ENTPD5: variants seen among roughly 807,000 people sequenced by gnomAD.
The protein encoded by ENTPD5 is ectonucleoside triphosphate diphosphohydrolase 5 (inactive), also known as nucleoside diphosphate phosphatase ENTPD5.
ENTPD5 carries 49 observed loss-of-function variants against 60.2 expected under a neutral mutation model. That is an observed-to-expected ratio of 0.81 (90% CI 0.65 to 1.03). ENTPD5 has a LOEUF of 1.03. Ranked by LOEUF, ENTPD5 falls within the 50% of genes least tolerant of loss-of-function variation. The probability of loss-of-function intolerance (pLI) is 0.00; values close to 1 mark genes in which losing one functional copy is unlikely to be tolerated. For synonymous variants in ENTPD5, 187 were observed against 185.4 expected (o/e 1.01, Z -0.07); for missense variants, 480 against 507.6 (o/e 0.95, Z 0.52).
At chr14:73,956,307 G>A (rs552439000), downstream of ENTPD5, 93 of 177,966 alleles carry the variant, frequency 5.2e-4, no homozygotes, top group Middle Eastern at 2.6e-3. Flanking sequence ...CAGCCTGGGC[G>A]ACAGAGCAAG....
chr14:73,983,261 T>C (rs1594884870), intron 5 of ENTPD5, 100 bp from the exon 6 acceptor site: 3 of 1,280,358 alleles, frequency 2.3e-6, no homozygotes, highest in Non-Finnish European at 3.2e-6. Flanking sequence ...AAGAGGGAGG[T>C]GGCATAGGGC....
intron 2 of ENTPD5, among the ~76,000 whole-genome samples, chr14:74,012,269 T>C (rs1295854239): frequency 6.8e-6 from 1 of 146,444 alleles, no homozygotes; most frequent in Non-Finnish European, 1.5e-5. Context: ...CATCCCCGGC[T>C]AATTTTTTAT....
chr14:74,006,231 T>C (rs995274562), intron 3 of ENTPD5, among the ~76,000 whole-genome samples: 11 of 151,614 alleles, frequency 7.3e-5, no homozygotes, highest in Middle Eastern at 3.4e-3. Flanking sequence ...GTGATCCACC[T>C]ACCTTGGACT....
chr14:73,994,558 C>T (rs938562235), intron 3 of ENTPD5, among the ~76,000 whole-genome samples: 2 of 151,770 alleles, frequency 1.3e-5, no homozygotes, highest in Non-Finnish European at 2.9e-5. Context: ...CATGGTGACA[C>T]CCCATCTCTA....
At chr14:73,962,245 C>T (rs1319268131), downstream of ENTPD5, among the ~76,000 whole-genome samples, 1 of 151,998 alleles carries the variant, frequency 6.6e-6, no homozygotes, top group Non-Finnish European at 1.5e-5. Context: ...TGCGGCTGGC[C>T]CACAGCTCTT....
downstream of ENTPD5, among the ~76,000 whole-genome samples, chr14:73,962,269 T>G (rs2056777942): frequency 6.6e-6 from 1 of 152,160 alleles, no homozygotes. Flanking sequence ...TTCTTTGAAT[T>G]AATTTTCTTG....
At chr14:74,012,351 C>G (rs746661538) in intron 2 of ENTPD5, among the ~76,000 whole-genome samples, 1 of 152,116 alleles carries the variant, frequency 6.6e-6, no homozygotes, top group Non-Finnish European at 1.5e-5. Context: ...AAGTGATCCA[C>G]CAGACTTCGC....
At chr14:73,961,424 AGG>A (rs747925045), downstream of ENTPD5, 1 of 1,614,158 alleles carries the variant, frequency 6.2e-7, no homozygotes, top group Admixed American at 1.7e-5. Context: ...TTGCTGCCAG[AGG>A]TCACACCTGA....
intron 2 of ENTPD5, among the ~76,000 whole-genome samples, chr14:74,012,147 C>G (rs1175518714): frequency 6.6e-6 from 1 of 152,080 alleles, no homozygotes; most frequent in Non-Finnish European, 1.5e-5. Context: ...CTCTGTCATC[C>G]AGGCTGGAGT....
chr14:73,958,293 T>C (rs778552819), downstream of ENTPD5: 4 of 1,613,894 alleles, frequency 2.5e-6, no homozygotes, highest in East Asian at 8.9e-5. Flanking sequence ...TGAAGATTCT[T>C]ATTTTGCTAG....
intron 6 of ENTPD5, among the ~76,000 whole-genome samples, chr14:73,978,104 A>T (rs2057520863): frequency 6.6e-6 from 1 of 152,156 alleles, no homozygotes; most frequent in Non-Finnish European, 1.5e-5. Flanking sequence ...TGACCTCTGG[A>T]TCCTGTTTCA....
At chr14:73,978,585 G>A (rs1032288005) in intron 6 of ENTPD5, among the ~76,000 whole-genome samples, 12 of 150,474 alleles carry the variant, frequency 8.0e-5, no homozygotes, top group African/African-American at 2.9e-4. Context: ...TGGGTAACAA[G>A]AGTGAGACTC....
chr14:73,995,817 C>A (rs1191343611), intron 3 of ENTPD5, among the ~76,000 whole-genome samples: 1 of 151,972 alleles, frequency 6.6e-6, no homozygotes, highest in Non-Finnish European at 1.5e-5. Context: ...ACATTTAAAT[C>A]TACTCCTTTC....
downstream of ENTPD5, chr14:73,960,205 T>G (rs1197160973): frequency 8.1e-6 from 8 of 988,288 alleles, no homozygotes; most frequent in Non-Finnish European, 8.4e-6. Flanking sequence ...GCATGGGGCT[T>G]AAGAGTAAGC....
downstream of ENTPD5, chr14:73,958,407 C>G (rs1487600385): frequency 1.3e-6 from 2 of 1,528,950 alleles, no homozygotes; most frequent in East Asian, 2.5e-5. Context: ...AGGACCAGTA[C>G]CTATTCAGGC....
chr14:73,983,167 A>G lies in ENTPD5; in HGVS notation c.298-6T>C. The G allele has an allele frequency of 6.2e-7, 1 of 1,609,074 alleles. No homozygotes were observed. ...CCTTGAACGGTCTCAGCACCCTTCA[A>G]AAGAGATAACCCGTTCATCTGATGA... is the stretch of plus-strand genomic sequence containing the variant. On this transcript the variant is annotated splice_polypyrimidine_tract_variant and splice_region_variant and intron_variant, in intron 5 of 15. Coordinates refer to ENST00000334696, the MANE Select transcript of ENTPD5 (RefSeq NM_001249.5).
intron 14 of ENTPD5, 80 bp from the exon 15 acceptor site, chr14:73,970,205 A>C: frequency 9.5e-7 from 1 of 1,052,408 alleles, no homozygotes; most frequent in Non-Finnish European, 1.5e-6. Context: ...AAGAAGTGGA[A>C]TAGGGGCCAG....
chr14:73,990,372 T>C (rs1212922127), intron 3 of ENTPD5, among the ~76,000 whole-genome samples: 1 of 133,778 alleles, frequency 7.5e-6, no homozygotes, highest in Non-Finnish European at 1.8e-5. Context: ...TCTCACTCTG[T>C]CACCCCGGCT....
At chr14:73,968,883 G>A (rs910389981) in intron 15 of ENTPD5, among the ~76,000 whole-genome samples, 1 of 152,210 alleles carries the variant, frequency 6.6e-6, no homozygotes, top group Admixed American at 6.5e-5. Context: ...AGATAAAGTA[G>A]AGCCTGCAGG....
Sources: gnomAD v4.1 joint callset for allele counts (sites outside exome capture counted in the v4.1 genomes callset) on GRCh38, gnomAD v4.1.1 for gene constraint, MANE v1.5 for transcripts, NCBI Gene and HGNC (gene_info 2026-07-23, HGNC 2026-07-21) for gene names.